ARHGEF7: variants seen among roughly 807,000 people sequenced by gnomAD.
ARHGEF7 encodes Rho guanine nucleotide exchange factor 7, also known as PAK-interacting exchange factor beta.
A neutral mutation model predicts 109.8 loss-of-function variants in ARHGEF7; 33 were observed. The ratio of observed to expected loss-of-function variants is 0.30; its 90% CI spans 0.23 to 0.40. The LOEUF (loss-of-function observed/expected upper bound fraction) is 0.40, where lower values mean the gene tolerates loss of function less well. Ranked by LOEUF, ARHGEF7 falls within the 10% of genes least tolerant of loss-of-function variation. The pLI, the probability that ARHGEF7 is intolerant of heterozygous loss-of-function variation, is 1.00. For synonymous variants in ARHGEF7, 458 were observed against 424.6 expected (o/e 1.08, Z -0.97); for missense variants, 938 against 1,098.5 (o/e 0.85, Z 2.07).
At chr13:111,224,767 C>T (rs1395588069) in intron 5 of ARHGEF7, among the ~76,000 whole-genome samples, 3 of 152,186 alleles carry the variant, frequency 2.0e-5, no homozygotes, top group South Asian at 2.1e-4. Context: ...TGAGTATAAT[C>T]TGTGCGGGGA....
At chr13:111,185,119 C>T (rs981978240) in intron 2 of ARHGEF7, 13 of 152,144 alleles carry the variant, frequency 8.5e-5, no homozygotes, top group African/African-American at 2.4e-4. Context: ...GGTCACTTCA[C>T]CTCCGGTTAG....
At position 111,221,331 on chromosome 13, in the gene ARHGEF7, C is replaced by CTA. The variant is rs1258647438; in HGVS notation, c.670+3459_670+3460dup. On this transcript the variant is annotated intron_variant, in intron 5 of 21. Coordinates refer to ENST00000646102, the MANE Select transcript of ARHGEF7 (RefSeq NM_001354046.2). ...TATATCTATATATAGATATATATGTCTATATATATCTATATATATGTCTAT... is the reference window on the plus strand; with the variant it reads ...TATATCTATATATAGATATATATGTCTATATATATATCTATATATATGTCTAT... 2.7e-4 allele frequency among the ~76,000 whole-genome samples: 2 copies of CTA among 7,312 alleles called. 1 individual carries two copies. The highest frequency in any genetic ancestry group is 5.1e-4 in the Non-Finnish European group (2 of 3,922). The allele number at this position is 7,312 out of a possible 152,430, so 4.8% of individuals were successfully genotyped here.
chr13:111,221,159 G>A (rs1392921766), intron 5 of ARHGEF7, among the ~76,000 whole-genome samples: 8 of 82,708 alleles, frequency 9.7e-5, no homozygotes, highest in Non-Finnish European at 1.8e-4. Flanking sequence ...AGATATATAT[G>A]TCTATATATA....
At chr13:111,182,938 G>A (rs1226451970) in intron 2 of ARHGEF7, among the ~76,000 whole-genome samples, 1 of 152,200 alleles carries the variant, frequency 6.6e-6, no homozygotes, top group Non-Finnish European at 1.5e-5. Flanking sequence ...TCTTGTGTGA[G>A]ATGATTTTGC....
intron 2 of ARHGEF7, among the ~76,000 whole-genome samples, chr13:111,199,343 T>A (rs755126786): frequency 2.0e-5 from 3 of 152,094 alleles, no homozygotes; most frequent in Admixed American, 2.0e-4. Flanking sequence ...CTTAGAACTT[T>A]TGTCTGCTGA....
chr13:111,154,866 C>T (rs2076185566), intron 2 of ARHGEF7, among the ~76,000 whole-genome samples: 1 of 152,172 alleles, frequency 6.6e-6, no homozygotes, highest in South Asian at 2.1e-4. Flanking sequence ...CACTCTTAAC[C>T]TTAGTTTTCT....
At chr13:111,210,427 G>A (rs1027584325) in intron 4 of ARHGEF7, among the ~76,000 whole-genome samples, 1 of 152,218 alleles carries the variant, frequency 6.6e-6, no homozygotes, top group African/African-American at 2.4e-5. Context: ...CTTCATGAAA[G>A]CATGGCTTAG....
At chr13:111,134,986 G>A (rs2075013190) in intron 1 of ARHGEF7, among the ~76,000 whole-genome samples, 2 of 152,222 alleles carry the variant, frequency 1.3e-5, no homozygotes, top group South Asian at 2.1e-4. Context: ...TGTAAATTTT[G>A]TATAAGGATC....
chr13:111,219,199 A>G (rs1219600972), intron 5 of ARHGEF7, among the ~76,000 whole-genome samples: 3 of 151,838 alleles, frequency 2.0e-5, no homozygotes, highest in Admixed American at 6.6e-5. Context: ...CCTGCCCTCT[A>G]CCATTCTGCT....
chr13:111,236,670 T>A (rs1430042279), intron 6 of ARHGEF7, among the ~76,000 whole-genome samples: 1 of 152,198 alleles, frequency 6.6e-6, no homozygotes. Context: ...AGATTGTGCT[T>A]AAACACCTTT....
chr13:111,292,817 A>G (rs1479560826), intron 19 of ARHGEF7: 2 of 993,114 alleles, frequency 2.0e-6, no homozygotes, highest in African/African-American at 3.5e-5. Flanking sequence ...ATATGCAGCA[A>G]AGGTGCTGTG....
chr13:111,218,962 TCTC>T (rs1233782543), intron 5 of ARHGEF7, among the ~76,000 whole-genome samples: 1 of 152,188 alleles, frequency 6.6e-6, no homozygotes, highest in African/African-American at 2.4e-5. Context: ...TTTGTAAACT[TCTC>T]TGGTGTTGGA....
chr13:111,292,655 G>T, intron 19 of ARHGEF7: 1 of 1,114,292 alleles, frequency 9.0e-7, no homozygotes, highest in Non-Finnish European at 1.1e-6. Context: ...GGATACAGCT[G>T]TATGAACACT....
intron 3 of ARHGEF7, among the ~76,000 whole-genome samples, chr13:111,207,051 C>T (rs907130201): frequency 6.6e-6 from 1 of 151,316 alleles, no homozygotes; most frequent in African/African-American, 2.4e-5. Context: ...TAGAGTGGAT[C>T]ACTGGAATTT....
intron 5 of ARHGEF7, among the ~76,000 whole-genome samples, chr13:111,225,499 T>G (rs531815105): frequency 5.9e-5 from 9 of 151,974 alleles, no homozygotes; most frequent in African/African-American, 2.2e-4. Flanking sequence ...TATTGCACTT[T>G]GCTTGTTTTT....
intron 18 of ARHGEF7, among the ~76,000 whole-genome samples, chr13:111,289,272 G>A (rs373321489): frequency 3.4e-4 from 52 of 152,334 alleles, no homozygotes; most frequent in African/African-American, 1.1e-3. Context: ...GACCTCAGGT[G>A]ATCTGCCCGC....
intron 2 of ARHGEF7, among the ~76,000 whole-genome samples, chr13:111,198,030 C>T (rs868196516): frequency 6.6e-5 from 10 of 152,162 alleles, no homozygotes; most frequent in African/African-American, 1.7e-4. Flanking sequence ...GTTGGGACCC[C>T]GGAGTTGAAT....
rs1367070797 is a variant in ARHGEF7 at position 111,280,369 on chromosome 13, G to A, written c.1585+19G>A. The A allele has an allele frequency of 1.2e-6, 2 of 1,610,306 alleles. No individual in the cohort carries two copies. The highest frequency in any genetic ancestry group is 1.7e-6 in the Non-Finnish European group (2 of 1,177,392). ...ATATCAGGTGATAGGCACAAGCTGT[G>A]TGAGTGCTGTGTCTCGGGGAGGAGA... On this transcript the variant is annotated intron_variant, in intron 14 of 21. Transcript: ENST00000646102.
At chr13:111,181,686 G>C (rs947331406) in intron 2 of ARHGEF7, among the ~76,000 whole-genome samples, 1 of 152,174 alleles carries the variant, frequency 6.6e-6, no homozygotes, top group African/African-American at 2.4e-5. Flanking sequence ...GAGGCATCAT[G>C]GAACAGTGCA....
Sources: gnomAD v4.1 joint callset for allele counts (sites outside exome capture counted in the v4.1 genomes callset) on GRCh38, gnomAD v4.1.1 for gene constraint, MANE v1.5 for transcripts, NCBI Gene and HGNC (gene_info 2026-07-23, HGNC 2026-07-21) for gene names.